NTNG2: variants seen among roughly 807,000 people sequenced by gnomAD.
NTNG2 encodes netrin G2.
In NTNG2, 15 loss-of-function variants were observed where a neutral mutation model predicts 47.6. The observed-to-expected ratio is 0.32, with a 90% CI of 0.21 to 0.49. The LOEUF is 0.49. Among genes scored for constraint, NTNG2 ranks in the 20% least tolerant of loss-of-function variants. The probability of loss-of-function intolerance (pLI) is 0.99; values close to 1 mark genes in which losing one functional copy is unlikely to be tolerated. For missense variants in NTNG2, 578 were observed against 764.6 expected (o/e 0.76, Z 2.88); for synonymous variants, 307 against 324.6 (o/e 0.95, Z 0.58).
chr9:132,200,649 G>A (rs192612302), intron 3 of NTNG2, among the ~76,000 whole-genome samples: 370 of 152,214 alleles, frequency 2.4e-3, no homozygotes, highest in Non-Finnish European at 4.6e-3. Context: ...TCACTTTGAC[G>A]GTGTGTGTGG....
chr9:132,234,656 C>T (rs527722196), intron 5 of NTNG2, among the ~76,000 whole-genome samples: 34 of 152,364 alleles, frequency 2.2e-4, no homozygotes, highest in South Asian at 6.2e-4. Context: ...GGGCGGAAAA[C>T]GCCGCTGGAG....
chr9:132,227,986 A>G (rs1461556642), intron 4 of NTNG2, among the ~76,000 whole-genome samples: 1 of 152,132 alleles, frequency 6.6e-6, no homozygotes, highest in South Asian at 2.1e-4. Flanking sequence ...TCACCCTCAC[A>G]CAGCCCCGCA....
chr9:132,213,578 C>G (rs1401642934), intron 3 of NTNG2, among the ~76,000 whole-genome samples: 1 of 152,160 alleles, frequency 6.6e-6, no homozygotes, highest in Non-Finnish European at 1.5e-5. Context: ...TTGCTTCAGC[C>G]TCCTCCTTCA....
chr9:132,191,998 C>T (rs953647318), intron 2 of NTNG2, among the ~76,000 whole-genome samples: 9 of 152,226 alleles, frequency 5.9e-5, no homozygotes, highest in African/African-American at 1.2e-4. Flanking sequence ...TATCAAAGGG[C>T]GGCTTTGGAG....
At position 132,225,250 on chromosome 9, in the gene NTNG2, TTTTG is replaced by T. The variant is rs765299076; in HGVS notation, c.858-1591_858-1588del. Among the ~76,000 whole-genome samples, 18 of 151,708 alleles carry T rather than the reference TTTTG, an allele frequency of 1.2e-4. No individual in the cohort carries two copies. The East Asian group carries it at 1.4e-3, about 11-fold the overall frequency. On this transcript the variant is annotated intron_variant, in intron 3 of 7. Transcript: ENST00000393229. Reference sequence around the variant, plus strand: ...TTGTCTTGTTTTGTTTTTGTTTTTGTTTTGTTTGTTTTTGTTTTGTTTTGTTTTG... The same window carrying T: ...TTGTCTTGTTTTGTTTTTGTTTTTGTTTTGTTTTTGTTTTGTTTTGTTTTG...
At chr9:132,234,638 A>G (rs1260788839) in intron 5 of NTNG2, among the ~76,000 whole-genome samples, 1 of 152,242 alleles carries the variant, frequency 6.6e-6, no homozygotes, top group Non-Finnish European at 1.5e-5. Flanking sequence ...TCTGGAGGAC[A>G]GCGCTGCGGG....
At position 132,236,842 on chromosome 9, in the gene NTNG2, T is replaced by C. The variant is rs1392174921; in HGVS notation, c.1055-2262T>C. On this transcript the variant is annotated intron_variant, in intron 5 of 7. Coordinates refer to ENST00000393229, the MANE Select transcript of NTNG2 (RefSeq NM_032536.4). The surrounding 1 kb of genome is among the most constrained non-coding windows in gnomAD (Gnocchi z 4.3). ...CAGTGGAAGGCAGGTGCCGTCCGTG[T>C]TCCTGGCTTGACAGCACTTGCGAGT... is the stretch of plus-strand genomic sequence containing the variant. Among the ~76,000 whole-genome samples, 1 of 152,204 alleles carries C rather than the reference T, an allele frequency of 6.6e-6. No homozygotes were observed. Among genetic ancestry groups the C allele is most frequent in the Non-Finnish European group, 1.5e-5 (1 of 68,034 alleles).
chr9:132,164,222 A>T (rs921269362), intron 1 of NTNG2, among the ~76,000 whole-genome samples: 9 of 152,130 alleles, frequency 5.9e-5, no homozygotes, highest in Non-Finnish European at 8.8e-5. Context: ...AGGGTTTTTT[A>T]AATTTATTTA....
At chr9:132,224,135 A>G (rs1840554024) in intron 3 of NTNG2, among the ~76,000 whole-genome samples, 1 of 152,178 alleles carries the variant, frequency 6.6e-6, no homozygotes, top group African/African-American at 2.4e-5. Context: ...TGAACACTGG[A>G]AGAGGTGTGT....
chr9:132,172,110 C>T (rs1452661444), intron 2 of NTNG2, among the ~76,000 whole-genome samples: 6 of 152,234 alleles, frequency 3.9e-5, no homozygotes, highest in South Asian at 2.1e-4. Flanking sequence ...ATGAACTCTC[C>T]GGGCGCTCCA....
At position 132,219,301 on chromosome 9, in the gene NTNG2, G is replaced by A. The variant is rs575255667; in HGVS notation, c.858-7548G>A. Among the ~76,000 whole-genome samples, 4 of 151,922 alleles carry A rather than the reference G, an allele frequency of 2.6e-5. No individual in the cohort carries two copies. The East Asian group carries it at 7.8e-4, about 29-fold the overall frequency. The stretch of plus-strand genomic sequence containing the variant: ...GAAATTATACAAGATGGCTGGGCAC[G>A]GTGCTTCATGCCTATAATCCCAGCA... On this transcript the variant is annotated intron_variant, in intron 3 of 7. Coordinates refer to ENST00000393229, the MANE Select transcript of NTNG2 (RefSeq NM_032536.4).
chr9:132,234,035 T>TC (rs1841441402), intron 5 of NTNG2: 1 of 151,822 alleles, frequency 6.6e-6, no homozygotes, highest in Non-Finnish European at 1.5e-5. Context: ...TCTTTTTTTT[T>TC]TTTTTTTTTG....
At position 132,242,051 on chromosome 9, in the gene NTNG2, C is replaced by T. The variant is rs1842025734; in HGVS notation, c.1533C>T (p.Arg511=). The change falls in exon 8 of 8, where the codon CGC becomes CGT. Residue 511 remains arginine (R), a synonymous_variant. Transcript: ENST00000393229. The surrounding 1 kb of genome is among the most constrained non-coding windows in gnomAD (Gnocchi z 5.9). ...ACCGCGCGCCCGGGGCCGCCCCGCGCCCCGCCACCCTGCTCGGCTGCCTGC... is the reference window on the plus strand; with the variant it reads ...ACCGCGCGCCCGGGGCCGCCCCGCGTCCCGCCACCCTGCTCGGCTGCCTGC... The part of the protein sequence containing the change: ...DCDRAPGAAP[R]PATLLGCLLL... The T allele has an allele frequency of 8.0e-7, 1 of 1,255,344 alleles. No homozygotes were observed. The highest frequency in any genetic ancestry group is 1.6e-5 in the African/African-American group (1 of 63,480). 77.8% of individuals were successfully genotyped at this position (1,255,344 alleles called of 1,614,324 possible).
At chr9:132,239,313 C>A (rs45462499) in intron 6 of NTNG2, 42 bp downstream of exon 6, 30 of 1,607,456 alleles carry the variant, frequency 1.9e-5, no homozygotes, top group Non-Finnish European at 2.6e-5. Context: ...TGCTGGAATG[C>A]GTGCAGGGTG....
intron 3 of NTNG2, among the ~76,000 whole-genome samples, chr9:132,216,269 C>T (rs562101541): frequency 6.6e-6 from 1 of 152,142 alleles, no homozygotes; most frequent in African/African-American, 2.4e-5. Flanking sequence ...CTACTGTGTG[C>T]CAGGCAGTGT....
intron 3 of NTNG2, among the ~76,000 whole-genome samples, chr9:132,216,662 G>A (rs1207448253): frequency 2.6e-5 from 4 of 152,088 alleles, no homozygotes; most frequent in Non-Finnish European, 5.9e-5. Flanking sequence ...TGCTGTGTCG[G>A]GGGATCAGGT....
Position 132,243,786 on chromosome 9 carries a change from AG to A in NTNG2, c.*1680del. The A allele has an allele frequency of 6.6e-6, 1 of 152,460 alleles. No individual in the cohort carries two copies. Among genetic ancestry groups the A allele is most frequent in the Non-Finnish European group, 1.5e-5 (1 of 68,136 alleles). The allele number at this position is 152,460 out of a possible 1,614,324, so 9.4% of individuals were successfully genotyped here. On this transcript the variant is annotated 3_prime_UTR_variant, in exon 8 of 8. Transcript: ENST00000393229. ...GCAGGAGATTACAACACAGAAAAGG[AG>A]GGGGAGGCACAACGGGACACTGCAT...
chr9:132,213,390 A>G (rs1193638694), intron 3 of NTNG2, among the ~76,000 whole-genome samples: 2 of 150,018 alleles, frequency 1.3e-5, no homozygotes, highest in Non-Finnish European at 3.0e-5. Context: ...TCCATTAGCC[A>G]TCACCAACCT....
chr9:132,237,019 C>T (rs888051487), intron 5 of NTNG2, among the ~76,000 whole-genome samples: 4 of 152,144 alleles, frequency 2.6e-5, no homozygotes, highest in East Asian at 1.9e-4. Flanking sequence ...GAGCAAGAGA[C>T]GGGCGTGGTG....
Sources: gnomAD v4.1 joint callset for allele counts (sites outside exome capture counted in the v4.1 genomes callset) on GRCh38, gnomAD v4.1.1 for gene constraint, Gnocchi (gnomAD v3.1) non-coding constraint, MANE v1.5 for transcripts, NCBI Gene and HGNC (gene_info 2026-07-23, HGNC 2026-07-21) for gene names.